HOATZ: variants seen among roughly 807,000 people sequenced by gnomAD.
HOATZ encodes HOATZ cilia and flagella associated protein, also known as cilia- and flagella-associated protein HOATZ.
Under a neutral mutation model 24.9 loss-of-function variants are expected in HOATZ, and 26 were observed. That is an observed-to-expected ratio of 1.04 (90% CI 0.76 to 1.45). The LOEUF is 1.45. HOATZ is among the 40% of genes most tolerant of loss of function. The pLI is 0.00. For synonymous variants in HOATZ, 83 were observed against 76.6 expected, an observed-to-expected ratio of 1.08 and a Z score of -0.43; for missense variants, 226 against 201.5, an observed-to-expected ratio of 1.12 and a Z score of -0.74.
intron 3 of HOATZ, among the ~76,000 whole-genome samples, chr11:111,533,139 T>G (rs544909271): frequency 1.3e-5 from 2 of 152,258 alleles, no homozygotes; most frequent in Admixed American, 6.5e-5. Flanking sequence ...TTTGTTGCCC[T>G]GTGCAAGCGG....
rs1266563244 is a variant in HOATZ at position 111,515,520 on chromosome 11, A to T, written c.236A>T (p.His79Leu). Residue 79 changes from histidine (H) to leucine (L), a missense_variant, in exon 2 of 6, where the codon CAC becomes CTC. His to Leu is a moderately conservative substitution (Grantham distance 99, BLOSUM62 -3). Transcript: ENST00000375618. ...PRRSRGSENSHSSQSFHLASN... is the reference protein window; with the variant it reads ...PRRSRGSENSLSSQSFHLASN... ...CTTTTGTATTTTTTAGAAAACAGCC[A>T]CTCCTCGCAGTCTTTTCACCTTGCG... The T allele has an allele frequency of 1.1e-5, 17 of 1,613,282 alleles. No individual in the cohort carries two copies. Among genetic ancestry groups the T allele is most frequent in the Non-Finnish European group, 1.4e-5 (16 of 1,179,476 alleles).
chr11:111,524,010 T>C (rs573912193), intron 3 of HOATZ, among the ~76,000 whole-genome samples: 35 of 152,338 alleles, frequency 2.3e-4, no homozygotes, highest in African/African-American at 8.4e-4. Flanking sequence ...CATGGCTTTT[T>C]TGACATTATA....
At chr11:111,517,079 A>G (rs573458655) in intron 3 of HOATZ, among the ~76,000 whole-genome samples, 3 of 152,236 alleles carry the variant, frequency 2.0e-5, no homozygotes, top group Non-Finnish European at 4.4e-5. Context: ...AAACTCTGAC[A>G]GACTTATCGG....
chr11:111,522,069 TC>T (rs141345825), intron 3 of HOATZ, among the ~76,000 whole-genome samples: 3,266 of 152,324 alleles, frequency 0.021, 106 homozygotes, highest in African/African-American at 0.074. Flanking sequence ...AGGGACATTC[TC>T]CAAATGCATC....
chr11:111,516,784 A>T (rs746934305), intron 3 of HOATZ, among the ~76,000 whole-genome samples: 3 of 152,212 alleles, frequency 2.0e-5, no homozygotes, highest in Non-Finnish European at 4.4e-5. Context: ...AAATTAAATG[A>T]TCAGAGGAAT....
intron 3 of HOATZ, among the ~76,000 whole-genome samples, chr11:111,529,272 A>AG (rs1472045703): frequency 1.3e-5 from 2 of 152,238 alleles, no homozygotes; most frequent in Non-Finnish European, 2.9e-5. Context: ...AGATTACTAA[A>AG]GGCATGATCA....
chr11:111,528,668 G>C lies in HOATZ; in HGVS notation c.340-5078G>C, dbSNP rs576341719. Among the ~76,000 whole-genome samples, 6 of 152,330 alleles carry C rather than the reference G, an allele frequency of 3.9e-5. No homozygotes were observed. In the East Asian group the frequency reaches 1.2e-3, roughly 29 times the overall value. ...AGCTCAAGCTGGATTAGCTCCACCT[G>C]CTGTATTCTGATAAGCATGCGTTTT... On this transcript the variant is annotated intron_variant, in intron 3 of 5. Coordinates refer to ENST00000375618, the MANE Select transcript of HOATZ (RefSeq NM_001100388.2).
chr11:111,536,703 C>T, intron 5 of HOATZ, 67 bp from the exon 6 acceptor site: 1 of 1,286,666 alleles, frequency 7.8e-7, no homozygotes, highest in Non-Finnish European at 1.1e-6. Context: ...AAGTTGTTTT[C>T]ATGCTACATC....
chr11:111,528,159 C>CAAAA (rs61382111), intron 3 of HOATZ, among the ~76,000 whole-genome samples: 4 of 147,322 alleles, frequency 2.7e-5, no homozygotes, highest in East Asian at 2.0e-4. Context: ...TCATCTCTAC[C>CAAAA]AAAAAAAAAA....
At position 111,514,928 on chromosome 11, in the gene HOATZ, C is replaced by A; in HGVS notation, c.144C>A (p.Pro48=). Residue 48 remains proline (P), a synonymous_variant, in exon 1 of 6, where the codon CCC becomes CCA. Coordinates refer to ENST00000375618, the MANE Select transcript of HOATZ (RefSeq NM_001100388.2). ...TCTGGATCTCGGCGTCGATGTATCCCCCTAGCGAATCTCAGCTGGTGCTGC... is the reference window on the plus strand; with the variant it reads ...TCTGGATCTCGGCGTCGATGTATCCACCTAGCGAATCTCAGCTGGTGCTGC... ...KQFWISASMY[P]PSESQLVLRR... is the part of the protein sequence containing the mutation. 6.2e-7 allele frequency: 1 copy of A among 1,613,980 alleles called. No homozygotes were observed. The highest frequency in any genetic ancestry group is 2.2e-5 in the East Asian group (1 of 44,882).
At chr11:111,529,667 G>A (rs1159401895) in intron 3 of HOATZ, among the ~76,000 whole-genome samples, 1 of 152,008 alleles carries the variant, frequency 6.6e-6, no homozygotes, top group Non-Finnish European at 1.5e-5. Flanking sequence ...GGCCCCTCGT[G>A]TTATTTTTGA....
At chr11:111,533,402 G>A (rs1758889914) in intron 3 of HOATZ, among the ~76,000 whole-genome samples, 1 of 152,092 alleles carries the variant, frequency 6.6e-6, no homozygotes, top group African/African-American at 2.4e-5. Context: ...TGTTAGCATA[G>A]CTCATGTGGT....
rs544350994 is a variant in HOATZ, at chr11:111,516,561, T to A, written c.339+451T>A. Among the ~76,000 whole-genome samples the A allele has an allele frequency of 2.3e-3, 341 of 150,754 alleles. 2 individuals carry two copies. The highest frequency in any genetic ancestry group is 7.1e-3 in the African/African-American group (292 of 41,072). On this transcript the variant is annotated intron_variant, in intron 3 of 5. Coordinates refer to ENST00000375618, the MANE Select transcript of HOATZ (RefSeq NM_001100388.2). ...TCTAACTCTACAAAAAAAAAAAAAA[T>A]TTTTAATTTGCCAGGCCTGCTGGTG...
intron 5 of HOATZ, 166 bp from the exon 6 acceptor site, chr11:111,536,604 C>T: frequency 1.7e-6 from 1 of 585,134 alleles, no homozygotes; most frequent in Non-Finnish European, 3.1e-6. Context: ...AATATCATAA[C>T]CACTTCTCTC....
chr11:111,522,378 T>C (rs1027332220), intron 3 of HOATZ, among the ~76,000 whole-genome samples: 10 of 152,204 alleles, frequency 6.6e-5, no homozygotes, highest in Non-Finnish European at 1.3e-4. Context: ...ATCGGGTTTA[T>C]TGAAGAACTG....
At chr11:111,532,616 C>T (rs1479322002) in intron 3 of HOATZ, among the ~76,000 whole-genome samples, 1 of 152,178 alleles carries the variant, frequency 6.6e-6, no homozygotes, top group African/African-American at 2.4e-5. Flanking sequence ...GGGAGCAGGG[C>T]CCTACCAATA....
Position 111,533,732 on chromosome 11 carries a change from C to A in HOATZ, c.340-14C>A. 1 of 1,579,800 alleles carries A rather than the reference C, an allele frequency of 6.3e-7. No homozygotes were observed. Among genetic ancestry groups the A allele is most frequent in the South Asian group, 1.1e-5 (1 of 87,330 alleles). On this transcript the variant is annotated splice_polypyrimidine_tract_variant and intron_variant, in intron 3 of 5. Transcript: ENST00000375618. ...ATTGAATCGAGACACCCACTTTTTTCTTTCTTTAAACAGGCTAAAACAAGA... is the reference window on the plus strand; with the variant it reads ...ATTGAATCGAGACACCCACTTTTTTATTTCTTTAAACAGGCTAAAACAAGA...
chr11:111,524,030 C>T (rs978606578), intron 3 of HOATZ, among the ~76,000 whole-genome samples: 7 of 152,112 alleles, frequency 4.6e-5, no homozygotes, highest in Non-Finnish European at 1.0e-4. Context: ...AATCACAGAG[C>T]CTTACAAATA....
chr11:111,523,087 T>G (rs1867288603), intron 3 of HOATZ, among the ~76,000 whole-genome samples: 1 of 151,998 alleles, frequency 6.6e-6, no homozygotes, highest in Admixed American at 6.6e-5. Context: ...CAAAAAAAAA[T>G]TGAGTTGTTC....
Sources: allele counts gnomAD v4.1 joint callset (sites outside exome capture counted in the v4.1 genomes callset), GRCh38; gene constraint gnomAD v4.1.1; transcripts MANE v1.5; gene names NCBI Gene and HGNC (gene_info 2026-07-23, HGNC 2026-07-21).